The following SNX29 variants were observed in gnomAD, a reference collection of about 807,000 sequenced individuals.
The protein encoded by SNX29 is sorting nexin-29.
Under a neutral mutation model 102.1 loss-of-function variants are expected in SNX29, and 78 were observed. That is an observed-to-expected ratio of 0.76 (90% CI 0.64 to 0.92). The LOEUF (loss-of-function observed/expected upper bound fraction) is 0.92, where lower values mean the gene tolerates loss of function less well. Ranked by LOEUF, SNX29 falls within the 40% of genes least tolerant of loss-of-function variation. The pLI, the probability that SNX29 is intolerant of heterozygous loss-of-function variation, is 0.00. For synonymous variants in SNX29, 580 were observed against 414.5 expected (o/e 1.40, Z -4.85); for missense variants, 1,280 against 1,061.7 (o/e 1.21, Z -2.86).
intron 13 of SNX29, among the ~76,000 whole-genome samples, chr16:12,147,241 G>C (rs949948464): frequency 6.6e-6 from 1 of 152,310 alleles, no homozygotes; most frequent in South Asian, 2.1e-4. Flanking sequence ...ATCAAGATGT[G>C]AAAAACATGC....
chr16:12,223,536 C>T (rs1162641230), intron 14 of SNX29, among the ~76,000 whole-genome samples: 2 of 152,108 alleles, frequency 1.3e-5, no homozygotes, highest in Non-Finnish European at 2.9e-5. Context: ...GGGGCATGTG[C>T]GCCTGTAGTC....
chr16:12,520,131 G>T (rs547518016), intron 19 of SNX29, among the ~76,000 whole-genome samples: 1 of 152,120 alleles, frequency 6.6e-6, no homozygotes, highest in Non-Finnish European at 1.5e-5. Flanking sequence ...GTCCTGTGCC[G>T]CGATTCAGGC....
Position 12,098,378 on chromosome 16 carries a change from A to C in SNX29, c.1402+19463A>C, listed in dbSNP as rs1416696481. On this transcript the variant is annotated intron_variant, in intron 11 of 20. Coordinates refer to ENST00000566228, the MANE Select transcript of SNX29 (RefSeq NM_032167.5). This position sits in a 1 kb window ranked among gnomAD's most constrained non-coding sequence, Gnocchi z 6.0. The stretch of plus-strand genomic sequence containing the variant: ...CACCTTGCTCCCCGTCCAGGACTCT[A>C]ACCATTGGAGTTCACCTTCTGGAAG... 6.6e-6 allele frequency among the ~76,000 whole-genome samples: 1 copy of C among 152,144 alleles called. No homozygotes were observed. The highest frequency in any genetic ancestry group is 2.4e-5 in the African/African-American group (1 of 41,440).
intron 19 of SNX29, among the ~76,000 whole-genome samples, chr16:12,524,146 G>T (rs1567652644): frequency 1.3e-5 from 2 of 152,098 alleles, no homozygotes; most frequent in African/African-American, 2.4e-5. Flanking sequence ...TCTGCATCGT[G>T]GCCCACGCGT....
chr16:12,420,955 G>A (rs1315892057), intron 18 of SNX29, among the ~76,000 whole-genome samples: 1 of 152,218 alleles, frequency 6.6e-6, no homozygotes, highest in Non-Finnish European at 1.5e-5. Context: ...ACACAGATGA[G>A]ATAATGCCTG....
At chr16:12,411,361 G>A (rs936195946) in intron 18 of SNX29, among the ~76,000 whole-genome samples, 1 of 152,142 alleles carries the variant, frequency 6.6e-6, no homozygotes, top group Admixed American at 6.5e-5. Flanking sequence ...GTCTCTCCTT[G>A]AGAGCTTTCC....
intron 18 of SNX29, among the ~76,000 whole-genome samples, chr16:12,427,448 TTTTA>T (rs921817603): frequency 1.4e-4 from 22 of 152,366 alleles, no homozygotes; most frequent in African/African-American, 5.3e-4. Context: ...TTTTTCTTTT[TTTTA>T]TTTATCTGTA....
rs556085565 is a variant in SNX29 at position 12,291,042 on chromosome 16, A to G, written c.1782+13006A>G. The stretch of plus-strand genomic sequence containing the variant: ...CTGTCGTGGTAATCTCGAGGAAGGT[A>G]ATCCTTTGGCCTCAGGAAAAGTCTG... On this transcript the variant is annotated intron_variant, in intron 15 of 20. Transcript: ENST00000566228. Among the ~76,000 whole-genome samples the G allele has an allele frequency of 3.3e-5, 5 of 152,266 alleles. 1 individual carries two copies. Among genetic ancestry groups the G allele is most frequent in the African/African-American group, 1.2e-4 (5 of 41,540 alleles).
rs1428418935 is a variant in SNX29, at chr16:12,571,733, G to C, written c.*3104G>C. 3.1e-5 allele frequency: 32 copies of C among 1,043,308 alleles called. No homozygotes were observed. The highest frequency in any genetic ancestry group is 3.5e-5 in the Non-Finnish European group (30 of 860,454). The allele number at this position is 1,043,308 out of a possible 1,614,324, so 64.6% of individuals were successfully genotyped here. On this transcript the variant is annotated 3_prime_UTR_variant, in exon 21 of 21. Coordinates refer to ENST00000566228, the MANE Select transcript of SNX29 (RefSeq NM_032167.5). ...AAGGGAGGGAGCTTAAAGGCTGCTAGAAACCTAGCCCAACCATCCACTCCT... is the reference window on the plus strand; with the variant it reads ...AAGGGAGGGAGCTTAAAGGCTGCTACAAACCTAGCCCAACCATCCACTCCT...
At chr16:12,015,773 G>C (rs35006097) in intron 3 of SNX29, among the ~76,000 whole-genome samples, 223 of 151,886 alleles carry the variant, frequency 1.5e-3, no homozygotes, top group South Asian at 7.7e-3. Flanking sequence ...CTGACCTCGT[G>C]ATCTGCCCAC....
chr16:12,201,809 G>A (rs950500895), intron 14 of SNX29, among the ~76,000 whole-genome samples: 2 of 152,158 alleles, frequency 1.3e-5, no homozygotes, highest in Admixed American at 6.5e-5. Context: ...CATTAAAGTC[G>A]GGTTAAAAAG....
At chr16:12,162,223 C>G (rs2055817086) in intron 13 of SNX29, among the ~76,000 whole-genome samples, 1 of 152,206 alleles carries the variant, frequency 6.6e-6, no homozygotes, top group South Asian at 2.1e-4. Context: ...GGTGTCCAGC[C>G]TCAGCACACA....
At chr16:12,364,175 T>TATGTC (rs776301247) in intron 16 of SNX29, among the ~76,000 whole-genome samples, 1 of 145,402 alleles carries the variant, frequency 6.9e-6, no homozygotes, top group African/African-American at 2.5e-5. Flanking sequence ...TATGTTATGT[T>TATGTC]ATGTTATGTT....
chr16:12,294,998 G>C (rs2079930827), intron 15 of SNX29, among the ~76,000 whole-genome samples: 3 of 152,194 alleles, frequency 2.0e-5, no homozygotes, highest in Admixed American at 2.0e-4. Context: ...CAGGCAAAGA[G>C]AGAATGAGAA....
At chr16:12,342,954 TG>T (rs2081657506) in intron 15 of SNX29, among the ~76,000 whole-genome samples, 1 of 152,224 alleles carries the variant, frequency 6.6e-6, no homozygotes, top group Non-Finnish European at 1.5e-5. Context: ...AGGAGGCTCT[TG>T]GCAGCTTTAC....
intron 15 of SNX29, among the ~76,000 whole-genome samples, chr16:12,317,671 CTAAG>C (rs1860827416): frequency 6.6e-6 from 1 of 152,218 alleles, no homozygotes; most frequent in African/African-American, 2.4e-5. Flanking sequence ...TTCACAGGGA[CTAAG>C]TGTGTCTTAT....
At chr16:12,304,163 A>T (rs1255659361) in intron 15 of SNX29, among the ~76,000 whole-genome samples, 1 of 150,710 alleles carries the variant, frequency 6.6e-6, no homozygotes, top group Admixed American at 6.6e-5. Context: ...GAGGCTGTGA[A>T]TCCTATCACT....
intron 13 of SNX29, among the ~76,000 whole-genome samples, chr16:12,183,463 A>C (rs894469393): frequency 2.6e-5 from 4 of 152,236 alleles, no homozygotes; most frequent in African/African-American, 7.2e-5. Flanking sequence ...ATGAATAAAC[A>C]CAAACATACA....
chr16:12,322,801 G>C (rs2080983057), intron 15 of SNX29, among the ~76,000 whole-genome samples: 1 of 82,178 alleles, frequency 1.2e-5, no homozygotes, highest in South Asian at 3.0e-4. Flanking sequence ...CCACTGTCAG[G>C]ATATGGTCAC....
Sources: allele counts gnomAD v4.1 joint callset (sites outside exome capture counted in the v4.1 genomes callset), GRCh38; gene constraint gnomAD v4.1.1; non-coding constraint Gnocchi (gnomAD v3.1); transcripts MANE v1.5; gene names NCBI Gene and HGNC (gene_info 2026-07-23, HGNC 2026-07-21).